The following PDZD7 variants were observed in gnomAD, a reference collection of about 807,000 sequenced individuals.
PDZD7 encodes the protein PDZ domain-containing protein 7.
In PDZD7, 72 loss-of-function variants were observed where a neutral mutation model predicts 84.7. That is an observed-to-expected ratio of 0.85 (90% CI 0.70 to 1.03). PDZD7 has a LOEUF of 1.03. Ranked by LOEUF, PDZD7 falls within the 50% of genes least tolerant of loss-of-function variation. The pLI, the probability that PDZD7 is intolerant of heterozygous loss-of-function variation, is 0.00. For missense variants in PDZD7, 1,490 were observed against 1,412.9 expected (o/e 1.05, Z -0.87); for synonymous variants, 594 against 580.7 (o/e 1.02, Z -0.33).
At position 101,007,875 on chromosome 10, in the gene PDZD7, ACC is replaced by A. The variant is rs60039986; in HGVS notation, c.*590_*591del. On this transcript the variant is annotated 3_prime_UTR_variant, in exon 17 of 17. Transcript: ENST00000619208. ...GATAAAGAGTACAGGAACTTGTTTG[ACC>A]CCCCCCCCCCCACCATTTGCTGGCT... 165 of 23,784 alleles carry A rather than the reference ACC, an allele frequency of 6.9e-3. 18 individuals are homozygous for A. Among genetic ancestry groups the A allele is most frequent in the African/African-American group, 0.027 (138 of 5,118 alleles). 1.5% of individuals were successfully genotyped at this position (23,784 alleles called of 1,614,324 possible).
At chr10:101,030,456 T>C (rs1938065739) in intron 1 of PDZD7, 72 bp from the exon 2 acceptor site, 1 of 643,678 alleles carries the variant, frequency 1.6e-6, no homozygotes, top group Admixed American at 2.2e-5. Flanking sequence ...CTTCCACCCC[T>C]CCCCCTGGTT....
At chr10:101,023,249 A>G (rs1853230364) in intron 4 of PDZD7, 187 bp downstream of exon 4, 2 of 668,480 alleles carry the variant, frequency 3.0e-6, no homozygotes, top group South Asian at 3.5e-5. Context: ...GAGCAGAGCT[A>G]TTGGAGGAGG....
chr10:101,015,793 G>A lies in PDZD7; in HGVS notation c.1592C>T (p.Ala531Val). The A allele has an allele frequency of 6.5e-7, 1 of 1,548,896 alleles. No individual in the cohort carries two copies. The highest frequency in any genetic ancestry group is 1.2e-5 in the South Asian group (1 of 83,988). The change falls in exon 11 of 17, where the codon GCC (alanine) becomes GTC (valine). Residue 531 changes from alanine (A) to valine (V), a missense_variant. By Grantham distance (64) the Ala-to-Val change is moderately conservative. Transcript: ENST00000619208. Reference sequence around the variant, plus strand: ...ACTCCCAGACCTGGCAGACAGCAGGGCCCGGCCCCTCTCCTGGTCTGCAGG... The same window carrying A: ...ACTCCCAGACCTGGCAGACAGCAGGACCCGGCCCCTCTCCTGGTCTGCAGG... ...RLRRDQERGR[A>V]LLSARSGSPS...
chr10:101,008,968 T>G, intron 16 of PDZD7, 118 bp from the exon 17 acceptor site: 3 of 1,249,514 alleles, frequency 2.4e-6, no homozygotes, highest in Non-Finnish European at 3.2e-6. Context: ...CCCATCTGGG[T>G]GGAGGGGATG....
intron 14 of PDZD7, 189 bp from the exon 15 acceptor site, chr10:101,011,072 A>G: frequency 7.0e-7 from 1 of 1,425,864 alleles, no homozygotes; most frequent in South Asian, 1.5e-5. Context: ...TTTGAGATGG[A>G]ATCTCACTCT....
chr10:101,008,488 T>G lies in PDZD7; in HGVS notation c.3081A>C (p.Ala1027=), dbSNP rs1590042574. The change falls in exon 17 of 17, where the codon GCA becomes GCC. Residue 1027 remains alanine (A), a synonymous_variant. Transcript: ENST00000619208. ...PALQTPDSKP[A]PSPRIP is the part of the protein sequence containing the mutation. ...AGGGTCATGGGATGCGTGGGGAGGGTGCGGGCTTAGAATCAGGAGTCTGGA... is the reference window on the plus strand; with the variant it reads ...AGGGTCATGGGATGCGTGGGGAGGGGGCGGGCTTAGAATCAGGAGTCTGGA... The G allele has an allele frequency of 1.3e-6, 2 of 1,496,222 alleles. No homozygotes were observed. Among genetic ancestry groups the G allele is most frequent in the African/African-American group, 1.5e-5 (1 of 65,932 alleles). 92.7% of individuals were successfully genotyped at this position (1,496,222 alleles called of 1,614,324 possible).
Position 101,019,574 on chromosome 10 carries a change from C to CTCCTCCTCT in PDZD7, c.929-358_929-357insAGAGGAGGA, listed in dbSNP as rs978908036. On this transcript the variant is annotated intron_variant, in intron 7 of 16. Transcript: ENST00000619208. ...CCTCCTCCTCCTCCTCCTCCTCCTC[C>CTCCTCCTCT]TCCTCCTCCTCCTCTTCTTCTTCTT... Among the ~76,000 whole-genome samples the CTCCTCCTCT allele has an allele frequency of 2.1e-4, 23 of 110,744 alleles. No individual in the cohort carries two copies. In the South Asian group the frequency reaches 3.1e-3, roughly 15 times the overall value. 72.7% of individuals were successfully genotyped at this position (110,744 alleles called of 152,430 possible).
At position 101,022,330 on chromosome 10, in the gene PDZD7, C is replaced by G. The variant is rs145910584; in HGVS notation, c.598G>C (p.Asp200His). The G allele has an allele frequency of 3.7e-6, 6 of 1,614,058 alleles. No individual in the cohort carries two copies. The African/African-American group carries it at 5.3e-5, about 14-fold the overall frequency. The change falls in exon 5 of 17, where the codon GAC (aspartate) becomes CAC (histidine). Residue 200 changes from aspartate to histidine, a missense_variant. Coordinates refer to ENST00000619208, the MANE Select transcript of PDZD7 (RefSeq NM_001195263.2). ...VVEKCGSTPS[D>H]TSSEDGVRRI... Reference sequence around the variant, plus strand: ...CGGACACCATCTTCTGAGCTGGTGTCGGAGGGTGTTGAACCGCACTTCTCC... The same window carrying G: ...CGGACACCATCTTCTGAGCTGGTGTGGGAGGGTGTTGAACCGCACTTCTCC...
chr10:101,027,779 C>T (rs964800177), intron 2 of PDZD7, among the ~76,000 whole-genome samples: 2 of 152,112 alleles, frequency 1.3e-5, no homozygotes, highest in Non-Finnish European at 2.9e-5. Flanking sequence ...GTGGGGACTT[C>T]GTAATACTCT....
chr10:101,017,883 G>C, intron 9 of PDZD7: 3 of 236,020 alleles, frequency 1.3e-5, no homozygotes, highest in Non-Finnish European at 2.5e-5. Flanking sequence ...AAGAAAGAAA[G>C]AAAGAAAGAA....
rs757223602 is a variant in PDZD7 at position 101,015,649 on chromosome 10, C to T, written c.1736G>A (p.Arg579His). The change falls in exon 11 of 17, where the codon CGC becomes CAC. Residue 579 changes from arginine (R) to histidine (H), a missense_variant. By Grantham distance (29) the Arg-to-His change is conservative. Transcript: ENST00000619208. Reference sequence around the variant, plus strand: ...ATGAAGGCTTACCCGGGAGCAGTGGCGGGTGACAGCCAGCACCTCGTCATC... The same window carrying T: ...ATGAAGGCTTACCCGGGAGCAGTGGTGGGTGACAGCCAGCACCTCGTCATC... ...LTDDEVLAVT[R>H]HCSRYVHEGG... The T allele has an allele frequency of 2.4e-5, 37 of 1,548,782 alleles. No individual in the cohort carries two copies. The highest frequency in any genetic ancestry group is 4.8e-5 in the South Asian group (4 of 84,054).
chr10:101,021,957 C>G lies in PDZD7; in HGVS notation c.720-12G>C. The G allele has an allele frequency of 6.2e-7, 1 of 1,614,082 alleles. No homozygotes were observed. The highest frequency in any genetic ancestry group is 1.3e-5 in the African/African-American group (1 of 75,050). On this transcript the variant is annotated splice_polypyrimidine_tract_variant and intron_variant, in intron 5 of 16. Coordinates refer to ENST00000619208, the MANE Select transcript of PDZD7 (RefSeq NM_001195263.2). ...CACCATGGTCCACTCTGAGGCCAGA[C>G]AGGCGTCAGTCTGATAGGCCCCTGG... is the stretch of plus-strand genomic sequence containing the variant.
chr10:101,022,053 CCCT>C (rs1853139304), intron 5 of PDZD7, 108 bp from the exon 6 acceptor site: 1 of 1,564,500 alleles, frequency 6.4e-7, no homozygotes. Context: ...AGGTCCTTGA[CCCT>C]CCTACTGGGG....
chr10:101,018,344 G>T, intron 8 of PDZD7, 48 bp from the exon 9 acceptor site: 1 of 1,601,354 alleles, frequency 6.2e-7, no homozygotes, highest in Non-Finnish European at 8.5e-7. Flanking sequence ...TGGGCAGAAG[G>T]GAAGGACGAG....
Position 101,008,325 on chromosome 10 carries a change from T to G in PDZD7, c.*142A>C, listed in dbSNP as rs1323703321. 2.3e-6 allele frequency: 2 copies of G among 857,730 alleles called. No individual in the cohort carries two copies. The highest frequency in any genetic ancestry group is 3.5e-6 in the Non-Finnish European group (2 of 574,724). 53.1% of individuals were successfully genotyped at this position (857,730 alleles called of 1,614,324 possible). A position where few individuals can be genotyped will look rare whatever the true frequency, so the allele number is the denominator to read the frequency against. On this transcript the variant is annotated 3_prime_UTR_variant, in exon 17 of 17. Transcript: ENST00000619208. ...AATGACAGCTGAGGAGGGAAGAAAG[T>G]GGAAAGATGTGAGCCACCAGTGTGG...
intron 2 of PDZD7, among the ~76,000 whole-genome samples, chr10:101,025,031 A>G (rs1937615629): frequency 6.6e-6 from 1 of 152,100 alleles, no homozygotes; most frequent in Non-Finnish European, 1.5e-5. Context: ...ATAAATTAGT[A>G]TATTAGCTCT....
Position 101,015,801 on chromosome 10 carries a change from C to T in PDZD7, c.1584G>A (p.Arg528=), listed in dbSNP as rs772728480. ...VTWRLRRDQE[R]GRALLSARSG... ...ACCTGGCAGACAGCAGGGCCCGGCC[C>T]CTCTCCTGGTCTGCAGGGCAGGAAC... The change falls in exon 11 of 17, where the codon AGG becomes AGA. Residue 528 remains arginine (R), a synonymous_variant. Transcript: ENST00000619208. 5 of 1,548,536 alleles carry T rather than the reference C, an allele frequency of 3.2e-6. No homozygotes were observed. The highest frequency in any genetic ancestry group is 2.4e-5 in the East Asian group (1 of 40,902).
intron 8 of PDZD7, 21 bp from the exon 9 acceptor site, chr10:101,018,317 C>T (rs746631541): frequency 1.3e-6 from 2 of 1,562,548 alleles, no homozygotes; most frequent in African/African-American, 1.4e-5. Context: ...GAGGGAGCAA[C>T]GGGGGAGCTG....
intron 11 of PDZD7, 75 bp downstream of exon 11, chr10:101,015,561 C>G (rs1261236697): frequency 8.7e-6 from 13 of 1,497,464 alleles, no homozygotes; most frequent in Non-Finnish European, 1.2e-5. Flanking sequence ...GGTCAGTGGA[C>G]AGTGGCCTGA....
Sources: gnomAD v4.1 joint callset for allele counts (sites outside exome capture counted in the v4.1 genomes callset) on GRCh38, gnomAD v4.1.1 for gene constraint, MANE v1.5 for transcripts, NCBI Gene and HGNC (gene_info 2026-07-23, HGNC 2026-07-21) for gene names.